The following IRAK4 variants were observed in gnomAD, a reference collection of about 807,000 sequenced individuals.
IRAK4 encodes the protein interleukin-1 receptor-associated kinase 4.
In IRAK4, 44 loss-of-function variants were observed where a neutral mutation model predicts 51.8. That is an observed-to-expected ratio of 0.85 (90% confidence interval 0.67 to 1.09). The LOEUF is 1.09. IRAK4 is among the 50% of genes least tolerant of loss of function. The probability of loss-of-function intolerance (pLI) is 0.00; values close to 1 mark genes in which losing one functional copy is unlikely to be tolerated. For synonymous variants in IRAK4, 149 were observed against 174.1 expected (o/e 0.86, Z 1.13); for missense variants, 487 against 538.0 (o/e 0.91, Z 0.94).
chr12:43,765,522 G>A (rs1349124511), intron 1 of IRAK4, among the ~76,000 whole-genome samples: 3 of 152,036 alleles, frequency 2.0e-5, no homozygotes, highest in East Asian at 3.9e-4. Flanking sequence ...TCATGTTGCT[G>A]TGGTAGAGGT....
chr12:43,767,367 C>G (rs1444608888), intron 1 of IRAK4, among the ~76,000 whole-genome samples: 1 of 152,194 alleles, frequency 6.6e-6, no homozygotes, highest in African/African-American at 2.4e-5. Context: ...ATCAGCAACC[C>G]TGGTGTACAA....
chr12:43,771,288 C>G lies in IRAK4; in HGVS notation c.230C>G (p.Thr77Arg), dbSNP rs771900851. 1.2e-6 allele frequency: 2 copies of G among 1,614,066 alleles called. No homozygotes were observed. The highest frequency in any genetic ancestry group is 2.2e-5 in the East Asian group (1 of 44,882). ...GAATTACTGTTTGACTGGGGCACCA[C>G]AAATTGCACAGTTGGTGATCTTGTG... is the stretch of plus-strand genomic sequence containing the variant. ...TSELLFDWGT[T>R]NCTVGDLVDL... is the part of the protein sequence containing the mutation. The change falls in exon 3 of 12, where the codon ACA becomes AGA. Residue 77 changes from threonine to arginine, a missense_variant. Coordinates refer to ENST00000613694, the MANE Select transcript of IRAK4 (RefSeq NM_016123.4).
chr12:43,772,759 A>G (rs1033425217), intron 4 of IRAK4, among the ~76,000 whole-genome samples, 153 bp from the exon 5 acceptor site: 1 of 152,182 alleles, frequency 6.6e-6, no homozygotes, highest in African/African-American at 2.4e-5. Context: ...AAAACTTATA[A>G]TTTGTATTTT....
At position 43,786,396 on chromosome 12, in the gene IRAK4, A is replaced by G; in HGVS notation, c.1189-3A>G. On this transcript the variant is annotated splice_region_variant and splice_polypyrimidine_tract_variant and intron_variant, in intron 10 of 11. Coordinates refer to ENST00000613694, the MANE Select transcript of IRAK4 (RefSeq NM_016123.4). ...TCTTAAAGTTTTAACACTCATTTTA[A>G]AGCTAGATATTAAAGAAGAAATTGA... is the stretch of plus-strand genomic sequence containing the variant. 1.3e-6 allele frequency: 2 copies of G among 1,557,876 alleles called. No homozygotes were observed. The highest frequency in any genetic ancestry group is 2.7e-5 in the African/African-American group (2 of 73,186).
Position 43,768,205 on chromosome 12 carries a change from T to C in IRAK4, c.94T>C (p.Trp32Arg). The C allele has an allele frequency of 6.2e-7, 1 of 1,613,458 alleles. No homozygotes were observed. Among genetic ancestry groups the C allele is most frequent in the Non-Finnish European group, 8.5e-7 (1 of 1,179,524 alleles). ...LSDFIDPQEGWKKLAVAIKKP... is the reference protein window; with the variant it reads ...LSDFIDPQEGRKKLAVAIKKP... ...AGATTTTATTGATCCTCAAGAAGGA[T>C]GGAAGAAGTTAGCTGTAGCTATTAA... The change falls in exon 2 of 12, where the codon TGG becomes CGG. Residue 32 changes from tryptophan to arginine, a missense_variant. Coordinates refer to ENST00000613694, the MANE Select transcript of IRAK4 (RefSeq NM_016123.4).
chr12:43,776,903 A>G (rs1038427080), intron 6 of IRAK4, among the ~76,000 whole-genome samples: 2 of 152,264 alleles, frequency 1.3e-5, no homozygotes, highest in African/African-American at 2.4e-5. Flanking sequence ...ATTCAAGATC[A>G]TGTCTGTAAA....
chr12:43,782,291 T>G lies in IRAK4; in HGVS notation c.942-16T>G. ...GGGAAAAACATTTTTTTCTTCAAACTTTACATTTTTTTCAGTGCAAATATC... is the reference window on the plus strand; with the variant it reads ...GGGAAAAACATTTTTTTCTTCAAACGTTACATTTTTTTCAGTGCAAATATC... On this transcript the variant is annotated splice_polypyrimidine_tract_variant and intron_variant, in intron 8 of 11. Coordinates refer to ENST00000613694, the MANE Select transcript of IRAK4 (RefSeq NM_016123.4). 2 of 1,599,096 alleles carry G rather than the reference T, an allele frequency of 1.3e-6. No homozygotes were observed. The highest frequency in any genetic ancestry group is 1.7e-6 in the Non-Finnish European group (2 of 1,166,372).
At chr12:43,770,026 T>C (rs551936373) in intron 2 of IRAK4, among the ~76,000 whole-genome samples, 4 of 152,328 alleles carry the variant, frequency 2.6e-5, no homozygotes, top group Non-Finnish European at 5.9e-5. Context: ...AATTATTCAA[T>C]TGGTGAATCT....
chr12:43,781,418 C>A (rs1018549857), intron 8 of IRAK4, among the ~76,000 whole-genome samples: 1 of 152,200 alleles, frequency 6.6e-6, no homozygotes, highest in Non-Finnish European at 1.5e-5. Context: ...TGCAAATTAT[C>A]TCCATGTTTC....
Position 43,768,110 on chromosome 12 carries a change from A to G in IRAK4, c.-2A>G. The G allele has an allele frequency of 6.2e-7, 1 of 1,612,818 alleles. No homozygotes were observed. The highest frequency in any genetic ancestry group is 1.1e-5 in the South Asian group (1 of 90,956). On this transcript the variant is annotated 5_prime_UTR_variant, in exon 2 of 12. Coordinates refer to ENST00000613694, the MANE Select transcript of IRAK4 (RefSeq NM_016123.4). ...GATTTTTCCATATTTTAGGAATAGA[A>G]GATGAACAAACCCATAACACCATCA...
At chr12:43,763,598 T>A (rs960281189) in intron 1 of IRAK4, 2 of 152,108 alleles carry the variant, frequency 1.3e-5, no homozygotes, top group Non-Finnish European at 2.9e-5. Flanking sequence ...CAAAAGCCCT[T>A]TGGGGTCTAC....
chr12:43,763,471 A>G (rs1237610030), intron 1 of IRAK4: 1 of 152,330 alleles, frequency 6.6e-6, no homozygotes. Context: ...TTATTTTATT[A>G]AAATATATAT....
chr12:43,783,058 G>A (rs1941915732), intron 9 of IRAK4, among the ~76,000 whole-genome samples: 1 of 152,098 alleles, frequency 6.6e-6, no homozygotes, highest in African/African-American at 2.4e-5. Context: ...AGGATTGGGA[G>A]TCCTTAGAAC....
intron 1 of IRAK4, among the ~76,000 whole-genome samples, chr12:43,764,071 C>G (rs1311475049): frequency 6.6e-6 from 1 of 152,144 alleles, no homozygotes; most frequent in African/African-American, 2.4e-5. Flanking sequence ...TGTATATGCT[C>G]TTAATTTGTA....
Position 43,786,973 on chromosome 12 carries a change from G to T in IRAK4, c.*258G>T. ...TCTCCTTCAAGCATCACCAAACACA[G>T]TTTGAAAATTACAGGGTTAGCAAAA... On this transcript the variant is annotated 3_prime_UTR_variant, in exon 12 of 12. Transcript: ENST00000613694. 2 of 496,112 alleles carry T rather than the reference G, an allele frequency of 4.0e-6. No individual in the cohort carries two copies. The highest frequency in any genetic ancestry group is 2.7e-5 in the South Asian group (1 of 37,664). 30.7% of individuals were successfully genotyped at this position (496,112 alleles called of 1,614,324 possible). A position where few individuals can be genotyped will look rare whatever the true frequency, so the allele number is the denominator to read the frequency against.
At chr12:43,784,405 A>G (rs1246383290) in intron 10 of IRAK4, among the ~76,000 whole-genome samples, 1 of 152,124 alleles carries the variant, frequency 6.6e-6, no homozygotes, top group Non-Finnish European at 1.5e-5. Flanking sequence ...CAGATCCCAC[A>G]GGTTAAGAGC....
intron 2 of IRAK4, among the ~76,000 whole-genome samples, chr12:43,769,680 T>C (rs1453411339): frequency 6.6e-6 from 1 of 152,120 alleles, no homozygotes; most frequent in Non-Finnish European, 1.5e-5. Flanking sequence ...TGTACACAAA[T>C]TACTTGTGAA....
chr12:43,782,252 G>T, intron 8 of IRAK4, 55 bp from the exon 9 acceptor site: 1 of 1,219,342 alleles, frequency 8.2e-7, no homozygotes, highest in South Asian at 1.2e-5. Context: ...GGAACTGTTT[G>T]ACTTTTTTGG....
intron 6 of IRAK4, among the ~76,000 whole-genome samples, chr12:43,774,887 T>G (rs1303161330): frequency 6.6e-6 from 1 of 152,262 alleles, no homozygotes; most frequent in Non-Finnish European, 1.5e-5. Flanking sequence ...CATTGTGCTA[T>G]GTACTTTATG....
Sources: gnomAD v4.1 joint callset for allele counts (sites outside exome capture counted in the v4.1 genomes callset) on GRCh38, gnomAD v4.1.1 for gene constraint, MANE v1.5 for transcripts, NCBI Gene and HGNC (gene_info 2026-07-23, HGNC 2026-07-21) for gene names.